The following QTMAN variants were observed in gnomAD, a reference collection of about 807,000 sequenced individuals.
The protein encoded by QTMAN is queuosine-tRNA mannosyltransferase.
chr2:144,262,822 G>C, the QTMAN span, among the ~76,000 whole-genome samples: 5 of 86,908 alleles, frequency 5.8e-5, no homozygotes, highest in African/African-American at 2.4e-4. Context: ...AGAGGGGAGA[G>C]GGGAGCAGGG....
the QTMAN span, among the ~76,000 whole-genome samples, chr2:144,053,009 T>TA: frequency 6.6e-6 from 1 of 152,208 alleles, no homozygotes; most frequent in Non-Finnish European, 1.5e-5. Context: ...CATGCACTGA[T>TA]ACTCCACATA....
At chr2:144,151,715 A>G in the QTMAN span, among the ~76,000 whole-genome samples, 1 of 152,232 alleles carries the variant, frequency 6.6e-6, no homozygotes, top group East Asian at 1.9e-4. Flanking sequence ...CACATAAATG[A>G]AAATTACTCC....
chr2:144,135,291 C>T, the QTMAN span, among the ~76,000 whole-genome samples: 1 of 152,120 alleles, frequency 6.6e-6, no homozygotes, highest in Non-Finnish European at 1.5e-5. Context: ...GCAGCCTGCT[C>T]CATCCTTAAC....
chr2:143,967,705 A>G, the QTMAN span, among the ~76,000 whole-genome samples: 2 of 152,166 alleles, frequency 1.3e-5, no homozygotes, highest in East Asian at 3.9e-4. Flanking sequence ...TTTTTGTGGA[A>G]GCGCTAGATA....
chr2:144,241,244 T>C, the QTMAN span, among the ~76,000 whole-genome samples: 6 of 152,158 alleles, frequency 3.9e-5, no homozygotes, highest in African/African-American at 1.4e-4. Flanking sequence ...TTTTAACAAG[T>C]CTTTCAGATA....
At chr2:144,104,853 C>T in the QTMAN span, among the ~76,000 whole-genome samples, 16 of 152,162 alleles carry the variant, frequency 1.1e-4, no homozygotes, top group African/African-American at 3.9e-4. Flanking sequence ...TGGGAGGCAC[C>T]CCCCAGTAGG....
chr2:144,190,728 G>A, the QTMAN span, among the ~76,000 whole-genome samples: 1 of 152,098 alleles, frequency 6.6e-6, no homozygotes, highest in African/African-American at 2.4e-5. Context: ...GATGTAGAAG[G>A]AGTATAGTAA....
At chr2:144,254,766 A>G in the QTMAN span, among the ~76,000 whole-genome samples, 1 of 152,208 alleles carries the variant, frequency 6.6e-6, no homozygotes, top group African/African-American at 2.4e-5. Context: ...GGGAAGCTGT[A>G]CCCTGCAAAG....
At chr2:144,001,080 G>A in the QTMAN span, among the ~76,000 whole-genome samples, 1 of 152,000 alleles carries the variant, frequency 6.6e-6, no homozygotes, top group South Asian at 2.1e-4. Flanking sequence ...AGAAAACAAA[G>A]GTAAGTTTAT....
the QTMAN span, among the ~76,000 whole-genome samples, chr2:144,303,988 A>G: frequency 2.6e-5 from 4 of 152,234 alleles, no homozygotes; most frequent in African/African-American, 9.7e-5. Flanking sequence ...CATACGTAAA[A>G]GGAGCTAAGA....
chr2:144,113,176 C>T, the QTMAN span, among the ~76,000 whole-genome samples: 3 of 151,664 alleles, frequency 2.0e-5, no homozygotes, highest in African/African-American at 7.3e-5. Flanking sequence ...ATTCAAGCAG[C>T]CAACATAAAA....
chr2:144,126,002 A>G, the QTMAN span, among the ~76,000 whole-genome samples: 2 of 152,104 alleles, frequency 1.3e-5, no homozygotes, highest in African/African-American at 2.4e-5. Flanking sequence ...GTATGGAGAA[A>G]GAGATCAAGG....
chr2:144,038,780 T>A, the QTMAN span, among the ~76,000 whole-genome samples: 2 of 152,204 alleles, frequency 1.3e-5, no homozygotes, highest in Non-Finnish European at 2.9e-5. Context: ...TCAATAGAGA[T>A]TAAATTTAAA....
the QTMAN span, among the ~76,000 whole-genome samples, chr2:144,140,096 T>C: frequency 6.6e-6 from 1 of 152,078 alleles, no homozygotes; most frequent in Non-Finnish European, 1.5e-5. Context: ...ACTTACACTA[T>C]ATGAGTTTGG....
chr2:144,226,132 T>C, the QTMAN span, among the ~76,000 whole-genome samples: 16 of 152,258 alleles, frequency 1.1e-4, no homozygotes, highest in African/African-American at 3.9e-4. Flanking sequence ...AAATCCTAAA[T>C]CATGGTCAAT....
At chr2:144,056,995 C>A in the QTMAN span, among the ~76,000 whole-genome samples, 1 of 152,166 alleles carries the variant, frequency 6.6e-6, no homozygotes, top group African/African-American at 2.4e-5. Flanking sequence ...ATTTTACTTC[C>A]ATTTGGAGAT....
At chr2:143,983,162 A>T in the QTMAN span, among the ~76,000 whole-genome samples, 1 of 152,196 alleles carries the variant, frequency 6.6e-6, no homozygotes, top group Non-Finnish European at 1.5e-5. Flanking sequence ...CAAACTACCA[A>T]ATCAGTCTGA....
chr2:143,995,588 GAC>G, the QTMAN span, among the ~76,000 whole-genome samples: 3 of 152,116 alleles, frequency 2.0e-5, no homozygotes, highest in Non-Finnish European at 4.4e-5. Context: ...TAGATAACTT[GAC>G]TGAAGGCACA....
At chr2:143,956,209 A>G in the QTMAN span, among the ~76,000 whole-genome samples, 1 of 152,220 alleles carries the variant, frequency 6.6e-6, no homozygotes, top group Non-Finnish European at 1.5e-5. Context: ...AGGCCTCTTT[A>G]GAAATTATCT....
Sources: gnomAD v4.1 joint callset for allele counts (sites outside exome capture counted in the v4.1 genomes callset) on GRCh38, gnomAD v4.1.1 for gene constraint, MANE v1.5 for transcripts, NCBI Gene and HGNC (gene_info 2026-07-23, HGNC 2026-07-21) for gene names.